The following CASK variants were observed in gnomAD, a reference collection of about 807,000 sequenced individuals.
CASK encodes peripheral plasma membrane protein CASK.
A neutral mutation model predicts 82.9 loss-of-function variants in CASK; 4 were observed. The ratio of observed to expected loss-of-function variants is 0.05; its 90% CI spans 0.02 to 0.11. The LOEUF (loss-of-function observed/expected upper bound fraction) is 0.11, where lower values mean the gene tolerates loss of function less well. CASK is among the 10% of genes least tolerant of loss of function. The pLI is 1.00. For synonymous variants in CASK, 259 were observed against 253.5 expected (o/e 1.02, Z -0.20); for missense variants, 358 against 720.9 (o/e 0.50, Z 5.76).
rs762865433 is a variant in CASK, at chrX:41,564,428, T to C, written c.1583-2784A>G. 2.3e-3 allele frequency among the ~76,000 whole-genome samples: 260 copies of C among 111,694 alleles called. 1 individual carries two copies. The highest frequency in any genetic ancestry group is 7.7e-3 in the African/African-American group (238 of 30,763). ...CCAGGTGAGTACAGTGGCGTGATCA[T>C]AGCTCACTACAGCCTCGAACTCCTG... On this transcript the variant is annotated intron_variant, in intron 16 of 26. Coordinates refer to ENST00000378163, the MANE Select transcript of CASK (RefSeq NM_001367721.1).
At chrX:41,612,522 A>G (rs1276943319) in intron 11 of CASK, among the ~76,000 whole-genome samples, 1 of 95,923 alleles carries the variant, frequency 1.0e-5, no homozygotes, top group African/African-American at 3.9e-5. Flanking sequence ...CCGTCCGGGA[A>G]GGAGGTGGGG....
chrX:41,766,868 C>A (rs2069125394), intron 3 of CASK, among the ~76,000 whole-genome samples: 1 of 111,536 alleles, frequency 9.0e-6, no homozygotes. Flanking sequence ...GCTGGGGCAA[C>A]AGAGTGAGAC....
chrX:41,613,497 A>G (rs2066139143), intron 11 of CASK, among the ~76,000 whole-genome samples: 1 of 94,670 alleles, frequency 1.1e-5, no homozygotes, highest in African/African-American at 3.9e-5. Context: ...AACACTGCGG[A>G]AGGCCGCAGG....
intron 1 of CASK, 66 bp downstream of exon 1, chrX:41,922,864 C>T (rs2072810832): frequency 9.7e-7 from 1 of 1,034,266 alleles, no homozygotes; most frequent in Admixed American, 2.2e-5. Context: ...CGAGCGGGTG[C>T]GGGAAGACCG....
intron 5 of CASK, among the ~76,000 whole-genome samples, chrX:41,687,516 CAT>C (rs1265721313): frequency 1.8e-5 from 2 of 111,838 alleles, no homozygotes; most frequent in African/African-American, 6.5e-5. Flanking sequence ...ATCAATGAAA[CAT>C]AAAGAATCAT....
intron 5 of CASK, chrX:41,675,762 T>A: frequency 8.3e-7 from 1 of 1,201,727 alleles, no homozygotes; most frequent in Non-Finnish European, 1.1e-6. Flanking sequence ...GCCGGTTAAT[T>A]TTCCCCTCCT....
rs781511343 is a variant in CASK, at chrX:41,906,638, G to C, written c.59+16292C>G. On this transcript the variant is annotated intron_variant, in intron 1 of 26. Transcript: ENST00000378163. ...CTGCCCCAGCCTCCTATGCACATGA[G>C]GGCAGGACAACACAGAAAGAGTCAC... Among the ~76,000 whole-genome samples the C allele has an allele frequency of 7.5e-4, 84 of 112,161 alleles. 1 individual carries two copies. Among genetic ancestry groups the C allele is most frequent in the African/African-American group, 2.6e-3 (79 of 30,897 alleles).
At chrX:41,705,893 C>A (rs2067877975) in intron 5 of CASK, among the ~76,000 whole-genome samples, 1 of 110,937 alleles carries the variant, frequency 9.0e-6, no homozygotes, top group Non-Finnish European at 1.9e-5. Context: ...CACCCCGGCA[C>A]CCCTCCCCGT....
intron 5 of CASK, chrX:41,676,051 T>A: frequency 2.5e-6 from 3 of 1,205,504 alleles, no homozygotes; most frequent in Non-Finnish European, 3.4e-6. Flanking sequence ...CTTCTTGGTA[T>A]GCTTGTTGTG....
At chrX:41,791,564 A>C (rs867849628) in intron 2 of CASK, among the ~76,000 whole-genome samples, 1 of 109,411 alleles carries the variant, frequency 9.1e-6, no homozygotes, top group African/African-American at 3.3e-5. Flanking sequence ...CTCTACTAAA[A>C]ATACAAAAAT....
intron 8 of CASK, among the ~76,000 whole-genome samples, chrX:41,651,180 T>C (rs2066859742): frequency 8.9e-6 from 1 of 112,135 alleles, no homozygotes; most frequent in African/African-American, 3.2e-5. Context: ...TAAGTAGGTA[T>C]GGTATAATGT....
intron 11 of CASK, among the ~76,000 whole-genome samples, chrX:41,621,144 G>A (rs908937011): frequency 2.8e-5 from 3 of 108,949 alleles, no homozygotes; most frequent in South Asian, 4.0e-4. Context: ...AAAGAGGAGC[G>A]CTAAATCTAG....
chrX:41,767,777 G>A (rs73472524), intron 3 of CASK, among the ~76,000 whole-genome samples: 12,841 of 111,090 alleles, frequency 0.12, 842 homozygotes, highest in African/African-American at 0.24. Context: ...TATCAGAGGT[G>A]AAATGCCCTT....
intron 3 of CASK, among the ~76,000 whole-genome samples, chrX:41,754,878 GTTTT>G (rs869108372): frequency 2.1e-5 from 2 of 94,236 alleles, no homozygotes; most frequent in Non-Finnish European, 4.3e-5. Context: ...TTTCTGACAA[GTTTT>G]TTTTTTTTTT....
intron 1 of CASK, among the ~76,000 whole-genome samples, chrX:41,921,347 CTT>C (rs1175877453): frequency 9.0e-6 from 1 of 111,692 alleles, no homozygotes; most frequent in Non-Finnish European, 1.9e-5. Context: ...ATTTCAAAGA[CTT>C]AGCATAAAAG....
At chrX:41,891,057 T>C (rs1390896676) in intron 1 of CASK, among the ~76,000 whole-genome samples, 1 of 108,826 alleles carries the variant, frequency 9.2e-6, no homozygotes, top group Non-Finnish European at 1.9e-5. Context: ...CCAGCTATTT[T>C]TTTTTAATTT....
intron 2 of CASK, among the ~76,000 whole-genome samples, chrX:41,805,209 A>G (rs1220231965): frequency 8.9e-6 from 1 of 112,090 alleles, no homozygotes; most frequent in Non-Finnish European, 1.9e-5. Context: ...CATTAATGTC[A>G]TTAGTTGCAA....
chrX:41,594,732 A>C (rs1052809825), intron 12 of CASK, among the ~76,000 whole-genome samples: 1 of 111,944 alleles, frequency 8.9e-6, no homozygotes, highest in African/African-American at 3.3e-5. Context: ...CAGGAGGACA[A>C]GAGGACTCAG....
At chrX:41,738,006 G>A (rs760488002) in intron 5 of CASK, among the ~76,000 whole-genome samples, 449 of 112,864 alleles carry the variant, frequency 4.0e-3, no homozygotes, top group African/African-American at 0.013. Context: ...ACGGAGTCTC[G>A]CTCTGTCGCC....
Sources: allele counts gnomAD v4.1 joint callset (sites outside exome capture counted in the v4.1 genomes callset), GRCh38; gene constraint gnomAD v4.1.1; transcripts MANE v1.5; gene names NCBI Gene and HGNC (gene_info 2026-07-23, HGNC 2026-07-21).